The following GSK3B variants were observed in gnomAD, a reference collection of about 807,000 sequenced individuals.
The protein encoded by GSK3B is glycogen synthase kinase-3 beta.
GSK3B carries 15 observed loss-of-function variants against 56.4 expected under a neutral mutation model. The observed-to-expected ratio is 0.27, with a 90% CI of 0.18 to 0.41. The LOEUF is 0.41. Ranked by LOEUF, GSK3B falls within the 10% of genes least tolerant of loss-of-function variation. The pLI, the probability that GSK3B is intolerant of heterozygous loss-of-function variation, is 1.00. For synonymous variants in GSK3B, 181 were observed against 188.9 expected (o/e 0.96, Z 0.34); for missense variants, 300 against 513.4 (o/e 0.58, Z 4.02).
At chr3:119,878,216 C>A (rs1001935302) in intron 7 of GSK3B, among the ~76,000 whole-genome samples, 1 of 151,848 alleles carries the variant, frequency 6.6e-6, no homozygotes, top group African/African-American at 2.4e-5. Flanking sequence ...AATATATTTG[C>A]AAAATATATT....
intron 2 of GSK3B, among the ~76,000 whole-genome samples, chr3:119,977,486 C>T: frequency 6.6e-6 from 1 of 152,202 alleles, no homozygotes; most frequent in African/African-American, 2.4e-5. Flanking sequence ...CATTGCCATG[C>T]TGTTACTTTC....
At chr3:120,015,649 C>CAAAAAAAAAA (rs61520236) in intron 1 of GSK3B, among the ~76,000 whole-genome samples, 1 of 46,948 alleles carries the variant, frequency 2.1e-5, no homozygotes, top group African/African-American at 6.9e-5. Context: ...GACTCTGTCT[C>CAAAAAAAAAA]AAAAAAAAAA....
At chr3:119,900,173 A>G (rs1329785480) in intron 7 of GSK3B, among the ~76,000 whole-genome samples, 2 of 152,096 alleles carry the variant, frequency 1.3e-5, no homozygotes, top group Admixed American at 1.3e-4. Context: ...TTAAGTATCA[A>G]TATATTTAAT....
At chr3:119,933,876 TA>T (rs1315577943) in intron 3 of GSK3B, among the ~76,000 whole-genome samples, 1 of 151,904 alleles carries the variant, frequency 6.6e-6, no homozygotes, top group Admixed American at 6.6e-5. Context: ...GACTCCTTCT[TA>T]AAAATAATAA....
intron 7 of GSK3B, among the ~76,000 whole-genome samples, chr3:119,885,475 T>A (rs2056426030): frequency 6.6e-6 from 1 of 152,018 alleles, no homozygotes; most frequent in African/African-American, 2.4e-5. Flanking sequence ...GCTATTCCTA[T>A]CAAACTACCA....
chr3:120,022,485 T>A (rs1242603196), intron 1 of GSK3B, among the ~76,000 whole-genome samples: 1 of 152,130 alleles, frequency 6.6e-6, no homozygotes, highest in African/African-American at 2.4e-5. Flanking sequence ...TATAATCAAA[T>A]CCATATTGGT....
chr3:120,067,568 C>A (rs192055872), intron 1 of GSK3B, among the ~76,000 whole-genome samples: 173 of 152,300 alleles, frequency 1.1e-3, no homozygotes, highest in Non-Finnish European at 2.0e-3. Flanking sequence ...GAATGCATAT[C>A]ACTTTTGCAG....
At chr3:120,033,031 T>G (rs1183869661) in intron 1 of GSK3B, among the ~76,000 whole-genome samples, 1 of 152,202 alleles carries the variant, frequency 6.6e-6, no homozygotes, top group Non-Finnish European at 1.5e-5. Context: ...ATTCCAGCCC[T>G]AAGGAAACAG....
At chr3:119,840,117 T>C (rs930732807) in intron 10 of GSK3B, among the ~76,000 whole-genome samples, 10 of 152,252 alleles carry the variant, frequency 6.6e-5, no homozygotes, top group Admixed American at 2.6e-4. Flanking sequence ...GAGATGCATG[T>C]CCATTTATCC....
chr3:119,974,280 G>A (rs2057392367), intron 2 of GSK3B, among the ~76,000 whole-genome samples: 1 of 152,076 alleles, frequency 6.6e-6, no homozygotes, highest in African/African-American at 2.4e-5. Context: ...AATTAAAATT[G>A]GACAAAAGGC....
At chr3:119,915,545 G>A (rs2056772167) in intron 5 of GSK3B, among the ~76,000 whole-genome samples, 1 of 151,956 alleles carries the variant, frequency 6.6e-6, no homozygotes, top group African/African-American at 2.4e-5. Flanking sequence ...ATATGTGTGT[G>A]TGTACATATA....
chr3:119,873,583 T>C (rs1490065145), intron 8 of GSK3B, among the ~76,000 whole-genome samples: 2 of 152,254 alleles, frequency 1.3e-5, no homozygotes, highest in African/African-American at 4.8e-5. Flanking sequence ...CTAAGAGCAT[T>C]TCTCAAGTTG....
intron 8 of GSK3B, among the ~76,000 whole-genome samples, chr3:119,868,286 G>A (rs959711458): frequency 1.3e-5 from 2 of 151,894 alleles, no homozygotes; most frequent in Non-Finnish European, 2.9e-5. Context: ...ACAAATACTA[G>A]CCCATAGAAG....
At chr3:119,876,331 G>T in intron 8 of GSK3B, 82 bp downstream of exon 8, 1 of 762,176 alleles carries the variant, frequency 1.3e-6, no homozygotes, top group Non-Finnish European at 2.3e-6. Flanking sequence ...GCAACTATCT[G>T]ATCTCAAAAT....
At chr3:119,853,793 T>C (rs1014803107) in intron 9 of GSK3B, among the ~76,000 whole-genome samples, 1 of 152,222 alleles carries the variant, frequency 6.6e-6, no homozygotes, top group Non-Finnish European at 1.5e-5. Context: ...TTTGCTGAAA[T>C]TGCTTATCAG....
At chr3:119,876,573 C>G (rs997021211) in intron 7 of GSK3B, 65 bp from the exon 8 acceptor site, 2 of 879,654 alleles carry the variant, frequency 2.3e-6, no homozygotes, top group African/African-American at 1.7e-5. Flanking sequence ...TCCATGTTTT[C>G]AGGCATTGGA....
intron 2 of GSK3B, among the ~76,000 whole-genome samples, chr3:119,976,188 T>G (rs2057406971): frequency 1.3e-5 from 2 of 152,212 alleles, no homozygotes; most frequent in Admixed American, 1.3e-4. Context: ...TGTTAATCAT[T>G]TAATCACTTT....
At chr3:120,074,300 TAA>T (rs569240290) in intron 1 of GSK3B, among the ~76,000 whole-genome samples, 2 of 128,628 alleles carry the variant, frequency 1.6e-5, no homozygotes, top group African/African-American at 2.8e-5. Flanking sequence ...GCCCTGTCTC[TAA>T]AAAAAAAAAG....
At chr3:119,874,461 C>T (rs2056285384) in intron 8 of GSK3B, among the ~76,000 whole-genome samples, 1 of 151,916 alleles carries the variant, frequency 6.6e-6, no homozygotes. Flanking sequence ...TGTACTACAT[C>T]ACCGATTTCA....
Sources: gnomAD v4.1 joint callset for allele counts (sites outside exome capture counted in the v4.1 genomes callset) on GRCh38, gnomAD v4.1.1 for gene constraint, MANE v1.5 for transcripts, NCBI Gene and HGNC (gene_info 2026-07-23, HGNC 2026-07-21) for gene names.